The following IFT46 variants were observed in gnomAD, a reference collection of about 807,000 sequenced individuals.
IFT46 encodes the protein intraflagellar transport protein 46 homolog.
IFT46 carries 19 observed loss-of-function variants against 39.6 expected under a neutral mutation model. That is an observed-to-expected ratio of 0.48 (90% CI 0.33 to 0.70). IFT46 has a LOEUF of 0.70. Among genes scored for constraint, IFT46 ranks in the 30% least tolerant of loss-of-function variants. The pLI is 0.01. For missense variants in IFT46, 334 were observed against 364.8 expected (o/e 0.92, Z 0.69); for synonymous variants, 117 against 134.8 (o/e 0.87, Z 0.91).
At chr11:118,570,411 T>C (rs1938313259), upstream of IFT46, among the ~76,000 whole-genome samples, 1 of 152,192 alleles carries the variant, frequency 6.6e-6, no homozygotes, top group Non-Finnish European at 1.5e-5. Flanking sequence ...TTGTGTGAGT[T>C]TGGACAAATG....
chr11:118,564,705 A>G (rs1194944493), intron 2 of IFT46, among the ~76,000 whole-genome samples: 5 of 152,188 alleles, frequency 3.3e-5, no homozygotes, highest in Non-Finnish European at 7.3e-5. Context: ...AAAGAAAAAG[A>G]AAAAGAACAG....
chr11:118,571,983 CG>C (rs1253097703), intron 1 of IFT46, among the ~76,000 whole-genome samples: 1 of 150,926 alleles, frequency 6.6e-6, no homozygotes, highest in Non-Finnish European at 1.5e-5. Flanking sequence ...CCAGCTACTC[CG>C]GAGGCTGAGG....
chr11:118,561,951 C>T (rs1317269841), intron 2 of IFT46, among the ~76,000 whole-genome samples: 2 of 152,078 alleles, frequency 1.3e-5, no homozygotes, highest in Non-Finnish European at 2.9e-5. Context: ...CCAGCCTGGG[C>T]AACACGGTGA....
upstream of IFT46, chr11:118,573,784 G>A (rs1555072938): frequency 3.4e-6 from 2 of 581,352 alleles, no homozygotes; most frequent in Non-Finnish European, 3.1e-6. Context: ...TCAGCCTCAG[G>A]TATATAAATT....
At position 118,544,718 on chromosome 11, in the gene IFT46, G is replaced by A; in HGVS notation, c.*198C>T. On this transcript the variant is annotated 3_prime_UTR_variant, in exon 12 of 12. Coordinates refer to ENST00000264021, the MANE Select transcript of IFT46 (RefSeq NM_001168618.2). ...GTGGTGTAGATGCATTAACTCCCCGGGGACAGCAATCTGAGGCAGGCAGGT... is the reference window on the plus strand; with the variant it reads ...GTGGTGTAGATGCATTAACTCCCCGAGGACAGCAATCTGAGGCAGGCAGGT... 1 of 547,998 alleles carries A rather than the reference G, an allele frequency of 1.8e-6. No homozygotes were observed. The highest frequency in any genetic ancestry group is 3.3e-6 in the Non-Finnish European group (1 of 306,468). The allele number at this position is 547,998 out of a possible 1,614,324, so 33.9% of individuals were successfully genotyped here.
rs896723677 is a variant in IFT46, at chr11:118,562,099, A to G, written c.-35-2235T>C. The stretch of plus-strand genomic sequence containing the variant: ...AGACCAGCCTGGCCAACATGGTGAA[A>G]CCCCGTCTCTACTAAAAATACAAAA... On this transcript the variant is annotated intron_variant, in intron 2 of 11. Transcript: ENST00000264021. Among the ~76,000 whole-genome samples the G allele has an allele frequency of 3.3e-5, 5 of 152,084 alleles. No homozygotes were observed. The East Asian group carries it at 9.6e-4, about 29-fold the overall frequency.
At chr11:118,575,632 A>C (rs373729401), upstream of IFT46, among the ~76,000 whole-genome samples, 1 of 152,236 alleles carries the variant, frequency 6.6e-6, no homozygotes, top group East Asian at 1.9e-4. Context: ...TATAGAAACT[A>C]GCCTTAATAT....
upstream of IFT46, among the ~76,000 whole-genome samples, chr11:118,574,207 G>A (rs1244373320): frequency 6.6e-6 from 1 of 152,174 alleles, no homozygotes; most frequent in African/African-American, 2.4e-5. Flanking sequence ...GATACCCACA[G>A]ATTTGTGTAC....
At chr11:118,551,747 T>G in intron 9 of IFT46, 39 bp downstream of exon 9, 1 of 1,491,152 alleles carries the variant, frequency 6.7e-7, no homozygotes, top group South Asian at 1.1e-5. Context: ...GAGCGAATAC[T>G]GTACTTTCTT....
chr11:118,572,158 A>G (rs1938351479), intron 1 of IFT46, among the ~76,000 whole-genome samples: 1 of 152,114 alleles, frequency 6.6e-6, no homozygotes, highest in Admixed American at 6.6e-5. Flanking sequence ...GTTATCCTGT[A>G]TATTAAATAA....
Position 118,551,919 on chromosome 11 carries a change from C to A in IFT46, c.606-67G>T, listed in dbSNP as rs1378234395. The A allele has an allele frequency of 4.8e-6, 7 of 1,445,560 alleles. No homozygotes were observed. The East Asian group carries it at 1.6e-4, about 33-fold the overall frequency. 89.5% of individuals were successfully genotyped at this position (1,445,560 alleles called of 1,614,324 possible). A position where few individuals can be genotyped will look rare whatever the true frequency, so the allele number is the denominator to read the frequency against. On this transcript the variant is annotated intron_variant, in intron 8 of 11. Coordinates refer to ENST00000264021, the MANE Select transcript of IFT46 (RefSeq NM_001168618.2). ...ATAACATCAGCAACCTCTGGATCAGCATATTCTAGGATGAAGGAGAGGTCT... is the reference window on the plus strand; with the variant it reads ...ATAACATCAGCAACCTCTGGATCAGAATATTCTAGGATGAAGGAGAGGTCT...
chr11:118,553,997 T>C (rs1937740475), intron 7 of IFT46, among the ~76,000 whole-genome samples: 1 of 151,946 alleles, frequency 6.6e-6, no homozygotes, highest in Admixed American at 6.6e-5. Context: ...ATTTAAGTTA[T>C]ATATAAATAA....
intron 2 of IFT46, among the ~76,000 whole-genome samples, chr11:118,562,539 AT>A (rs1555070749): frequency 6.8e-6 from 1 of 147,116 alleles, no homozygotes; most frequent in Admixed American, 6.6e-5. Flanking sequence ...ATAAATGCAA[AT>A]TAAACCCTTT....
chr11:118,566,665 C>T (rs1454908582), upstream of IFT46, among the ~76,000 whole-genome samples: 2 of 152,232 alleles, frequency 1.3e-5, no homozygotes, highest in African/African-American at 4.8e-5. Context: ...TGCACTCCAG[C>T]CTGGGCAACA....
At chr11:118,560,807 G>A (rs1452150257) in intron 2 of IFT46, 1 of 739,222 alleles carries the variant, frequency 1.4e-6, no homozygotes, top group African/African-American at 1.7e-5. Context: ...GGTGATACAG[G>A]ATAAAAATAA....
chr11:118,551,726 A>C, intron 9 of IFT46, 60 bp downstream of exon 9: 1 of 1,226,092 alleles, frequency 8.2e-7, no homozygotes, highest in Non-Finnish European at 1.2e-6. Flanking sequence ...GAGAAAAAAC[A>C]CTGGGCCCTG....
chr11:118,569,910 G>A (rs1339234719), upstream of IFT46, among the ~76,000 whole-genome samples: 2 of 152,064 alleles, frequency 1.3e-5, no homozygotes, highest in Non-Finnish European at 2.9e-5. Context: ...GAGACTGAGT[G>A]TTACTCTGTT....
rs545736237 is a variant in IFT46 at position 118,546,079 on chromosome 11, T to C, written c.673-226A>G. 4.2e-6 allele frequency: 3 copies of C among 716,684 alleles called. No homozygotes were observed. The East Asian group carries it at 8.0e-5, about 19-fold the overall frequency. 44.4% of individuals were successfully genotyped at this position (716,684 alleles called of 1,614,324 possible). A position where few individuals can be genotyped will look rare whatever the true frequency, so the allele number is the denominator to read the frequency against. Reference sequence around the variant, plus strand: ...GATAATTAAATTAAAACAAGGTCATTAGGGTGGGCCTTAATCCAGTATGAC... The same window carrying C: ...GATAATTAAATTAAAACAAGGTCATCAGGGTGGGCCTTAATCCAGTATGAC... On this transcript the variant is annotated intron_variant, in intron 9 of 11. Transcript: ENST00000264021.
At chr11:118,567,130 TA>T (rs200703610), upstream of IFT46, among the ~76,000 whole-genome samples, 279 of 152,164 alleles carry the variant, frequency 1.8e-3, 3 homozygotes, top group African/African-American at 6.2e-3. Flanking sequence ...GGCACGCACC[TA>T]TAGTGCTAGC....
Sources: gnomAD v4.1 joint callset for allele counts (sites outside exome capture counted in the v4.1 genomes callset) on GRCh38, gnomAD v4.1.1 for gene constraint, MANE v1.5 for transcripts, NCBI Gene and HGNC (gene_info 2026-07-23, HGNC 2026-07-21) for gene names.